The following THSD7A variants were observed in gnomAD, a reference collection of about 807,000 sequenced individuals.
THSD7A encodes thrombospondin type 1 domain containing 7A, also known as thrombospondin type-1 domain-containing protein 7A.
A neutral mutation model predicts 231.3 loss-of-function variants in THSD7A; 96 were observed. That is an observed-to-expected ratio of 0.41 (90% CI 0.35 to 0.49). The LOEUF (loss-of-function observed/expected upper bound fraction) is 0.49. Ranked by LOEUF, THSD7A falls within the 20% of genes least tolerant of loss-of-function variation. The pLI, the probability that THSD7A is intolerant of heterozygous loss-of-function variation, is 0.05. For missense variants in THSD7A, 2,290 were observed against 2,070.2 expected (o/e 1.11, Z -2.06); for synonymous variants, 940 against 743.3 (o/e 1.26, Z -4.30).
At chr7:11,737,624 C>T (rs1295433154) in intron 1 of THSD7A, among the ~76,000 whole-genome samples, 1 of 151,972 alleles carries the variant, frequency 6.6e-6, no homozygotes, top group Non-Finnish European at 1.5e-5. Context: ...GGGATCCAAA[C>T]TTTCATAGGC....
chr7:11,610,790 G>T (rs551936927), intron 2 of THSD7A, among the ~76,000 whole-genome samples: 1 of 152,044 alleles, frequency 6.6e-6, no homozygotes, highest in Admixed American at 6.6e-5. Flanking sequence ...ACAACTATAT[G>T]GAATTTCTGC....
intron 1 of THSD7A, among the ~76,000 whole-genome samples, chr7:11,646,290 A>G (rs1435281897): frequency 2.0e-5 from 3 of 152,066 alleles, no homozygotes; most frequent in Admixed American, 1.3e-4. Context: ...AAAAACAGAA[A>G]GCAAACTTGA....
intron 4 of THSD7A, among the ~76,000 whole-genome samples, chr7:11,556,363 T>C (rs1789844565): frequency 6.6e-6 from 1 of 151,616 alleles, no homozygotes; most frequent in Non-Finnish European, 1.5e-5. Context: ...CCTACTGATA[T>C]TTTCATTTTG....
In THSD7A at chr7:11,590,392, C is replaced by A; in HGVS notation, c.1453+68G>T. 2.6e-6 allele frequency: 4 copies of A among 1,514,928 alleles called. No homozygotes were observed. The highest frequency in any genetic ancestry group is 3.6e-6 in the Non-Finnish European group (4 of 1,121,526). The allele number at this position is 1,514,928 out of a possible 1,614,324, so 93.8% of individuals were successfully genotyped here. A position where few individuals can be genotyped will look rare whatever the true frequency, so the allele number is the denominator to read the frequency against. ...ATAACCTGGATGGCTGTGTATATAT[C>A]CCTTCAGAGCAATCACATGCTCAGT... On this transcript the variant is annotated intron_variant, in intron 4 of 27. Coordinates refer to ENST00000423059, the MANE Select transcript of THSD7A (RefSeq NM_015204.3). The surrounding 1 kb of genome is among the most constrained non-coding windows in gnomAD (Gnocchi z 4.4).
At chr7:11,409,623 A>ATATT (rs1554301881) in intron 19 of THSD7A, among the ~76,000 whole-genome samples, 2 of 152,206 alleles carry the variant, frequency 1.3e-5, no homozygotes, top group Non-Finnish European at 2.9e-5. Flanking sequence ...CATTTATTTT[A>ATATT]TATTTCATTC....
chr7:11,799,130 C>T (rs1204082274), intron 1 of THSD7A, among the ~76,000 whole-genome samples: 1 of 152,040 alleles, frequency 6.6e-6, no homozygotes, highest in Non-Finnish European at 1.5e-5. Flanking sequence ...ACCATGTTGG[C>T]CAGGATGGTC....
At chr7:11,750,822 C>A (rs1291101552) in intron 1 of THSD7A, among the ~76,000 whole-genome samples, 4 of 151,926 alleles carry the variant, frequency 2.6e-5, no homozygotes, top group African/African-American at 9.7e-5. Flanking sequence ...TAAAGATACT[C>A]CTGAGGAATG....
chr7:11,469,396 T>C (rs192953327), intron 9 of THSD7A, among the ~76,000 whole-genome samples: 52 of 152,134 alleles, frequency 3.4e-4, no homozygotes, highest in African/African-American at 1.2e-3. Context: ...AAATTCCTCA[T>C]GACACATTAC....
chr7:11,546,202 G>GCGCGCGCGCACACACACACACA lies in THSD7A; in HGVS notation c.1454-3086_1454-3085insTGTGTGTGTGTGTGCGCGCGCG, dbSNP rs761841418. On this transcript the variant is annotated intron_variant, in intron 4 of 27. Transcript: ENST00000423059. ...TCTGTTGTTGCTGGTGTGGGCGCGC[G>GCGCGCGCGCACACACACACACA]CTCACACACACACACACACACACAC... Among the ~76,000 whole-genome samples the GCGCGCGCGCACACACACACACA allele has an allele frequency of 5.1e-3, 661 of 129,420 alleles. 9 individuals carry two copies. Among genetic ancestry groups the GCGCGCGCGCACACACACACACA allele is most frequent in the East Asian group, 0.014 (62 of 4,414 alleles). 84.9% of individuals were successfully genotyped at this position (129,420 alleles called of 152,430 possible).
At chr7:11,388,826 T>C (rs1782867779) in intron 23 of THSD7A, among the ~76,000 whole-genome samples, 2 of 151,912 alleles carry the variant, frequency 1.3e-5, no homozygotes, top group African/African-American at 4.8e-5. Context: ...CTCTGGTACT[T>C]TGAGTCTGTG....
rs144147039 is a variant in THSD7A, at chr7:11,747,308, A to G, written c.190+84449T>C. 1.0e-3 allele frequency among the ~76,000 whole-genome samples: 158 copies of G among 152,084 alleles called. No homozygotes were observed. In the East Asian group the frequency reaches 0.028, roughly 27 times the overall value. ...GTGAAGTAGCCCTATGGATGAGAAC[A>G]AAGAGGTGCACTTGGCCTGCTTCTC... On this transcript the variant is annotated intron_variant, in intron 1 of 27. Coordinates refer to ENST00000423059, the MANE Select transcript of THSD7A (RefSeq NM_015204.3).
chr7:11,745,596 T>C (rs1276577650), intron 1 of THSD7A, among the ~76,000 whole-genome samples: 7 of 152,146 alleles, frequency 4.6e-5, no homozygotes, highest in African/African-American at 1.4e-4. Flanking sequence ...TTTAAGTCTT[T>C]AATCCATCTT....
intron 2 of THSD7A, among the ~76,000 whole-genome samples, chr7:11,617,673 A>C (rs918581783): frequency 6.6e-6 from 1 of 152,202 alleles, no homozygotes; most frequent in Non-Finnish European, 1.5e-5. Flanking sequence ...CGTTAGATTT[A>C]CCTTTTATTA....
At chr7:11,547,339 T>C (rs1035203626) in intron 4 of THSD7A, among the ~76,000 whole-genome samples, 4 of 152,180 alleles carry the variant, frequency 2.6e-5, no homozygotes, top group African/African-American at 9.7e-5. Context: ...ACACTCCACT[T>C]AAAAGGCACA....
At chr7:11,419,049 T>G (rs976227695) in intron 16 of THSD7A, among the ~76,000 whole-genome samples, 1 of 152,150 alleles carries the variant, frequency 6.6e-6, no homozygotes, top group African/African-American at 2.4e-5. Context: ...TGCTCAAAAG[T>G]TGCATTTGCT....
intron 1 of THSD7A, among the ~76,000 whole-genome samples, chr7:11,709,956 C>G (rs1298543444): frequency 6.6e-6 from 1 of 150,788 alleles, no homozygotes; most frequent in African/African-American, 2.4e-5. Flanking sequence ...TGACTGCTAA[C>G]TCTTAAAAGG....
At chr7:11,612,069 T>A (rs1780951972) in intron 2 of THSD7A, among the ~76,000 whole-genome samples, 2 of 152,172 alleles carry the variant, frequency 1.3e-5, no homozygotes. Context: ...TATTATATCC[T>A]GAATTACATA....
chr7:11,627,160 G>T (rs1027471271), intron 2 of THSD7A, among the ~76,000 whole-genome samples: 8 of 152,058 alleles, frequency 5.3e-5, no homozygotes, highest in African/African-American at 1.9e-4. Flanking sequence ...TAGATGGGTT[G>T]ATAGGTGCAG....
rs1272236431 is a variant in THSD7A at position 11,372,223 on chromosome 7, A to G, written c.*3571T>C. The stretch of plus-strand genomic sequence containing the variant: ...GTAGGGGAAAATACTAACCCCATCT[A>G]AAAACAAACCTAGAGTAAAAGTCAA... On this transcript the variant is annotated 3_prime_UTR_variant, in exon 28 of 28. Coordinates refer to ENST00000423059, the MANE Select transcript of THSD7A (RefSeq NM_015204.3). The G allele has an allele frequency of 1.3e-5, 2 of 152,112 alleles. No homozygotes were observed. The highest frequency in any genetic ancestry group is 2.9e-5 in the Non-Finnish European group (2 of 68,026). The allele number at this position is 152,112 out of a possible 1,614,324, so 9.4% of individuals were successfully genotyped here. A position where few individuals can be genotyped will look rare whatever the true frequency, so the allele number is the denominator to read the frequency against.
Sources: gnomAD v4.1 joint callset for allele counts (sites outside exome capture counted in the v4.1 genomes callset) on GRCh38, gnomAD v4.1.1 for gene constraint, Gnocchi (gnomAD v3.1) non-coding constraint, MANE v1.5 for transcripts, NCBI Gene and HGNC (gene_info 2026-07-23, HGNC 2026-07-21) for gene names.